Variants in HAVCR2 observed in about 807,000 individuals in gnomAD.
HAVCR2 encodes hepatitis A virus cellular receptor 2, also known as T cell immunoglobulin mucin 3.
HAVCR2 carries 13 observed loss-of-function variants against 24.7 expected under a neutral mutation model. The observed-to-expected ratio is 0.53, with a 90% CI of 0.34 to 0.84. The LOEUF is 0.84. HAVCR2 is among the 40% of genes least tolerant of loss of function. The pLI, the probability that HAVCR2 is intolerant of heterozygous loss-of-function variation, is 0.01. For missense variants in HAVCR2, 343 were observed against 371.2 expected (o/e 0.92, Z 0.62); for synonymous variants, 154 against 143.4 (o/e 1.07, Z -0.53).
At chr5:157,100,618 A>G (rs1757153621) in intron 3 of HAVCR2, among the ~76,000 whole-genome samples, 4 of 152,200 alleles carry the variant, frequency 2.6e-5, no homozygotes, top group Non-Finnish European at 5.9e-5. Flanking sequence ...AGAGATGTTG[A>G]AACTTCTTAA....
At chr5:157,104,791 C>G in intron 2 of HAVCR2, 42 bp from the exon 3 acceptor site, 1 of 1,391,938 alleles carries the variant, frequency 7.2e-7, no homozygotes. Flanking sequence ...TATCTGAGAG[C>G]AGAAAGCTTA....
chr5:157,099,653 G>A (rs1458183704), intron 3 of HAVCR2, among the ~76,000 whole-genome samples: 2 of 152,000 alleles, frequency 1.3e-5, no homozygotes, highest in Admixed American at 1.3e-4. Context: ...AGGCTGGAGT[G>A]CAGTGGCACA....
At chr5:157,094,925 G>C (rs1757072100) in intron 5 of HAVCR2, among the ~76,000 whole-genome samples, 1 of 152,120 alleles carries the variant, frequency 6.6e-6, no homozygotes, top group African/African-American at 2.4e-5. Flanking sequence ...ACATATTCAT[G>C]AATTAAAGAA....
In HAVCR2 at chr5:157,095,357, T is replaced by C; in HGVS notation, c.625A>G (p.Ile209Val). The change falls in exon 5 of 7, where the codon ATC becomes GTC. Residue 209 changes from isoleucine (I) to valine (V), a missense_variant. Physicochemically the swap from Ile to Val is conservative, Grantham distance 29 (BLOSUM62 3). Coordinates refer to ENST00000307851, the MANE Select transcript of HAVCR2 (RefSeq NM_032782.5). The stretch of plus-strand genomic sequence containing the variant: ...AGAGCCAGAGCCAGCCCAGCACAGA[T>C]CCCTGCTCCGATGTAGATGCCTATT... ...IRIGIYIGAG[I>V]CAGLALALIF... The C allele has an allele frequency of 6.2e-7, 1 of 1,614,146 alleles. No individual in the cohort carries two copies. Among genetic ancestry groups the C allele is most frequent in the Non-Finnish European group, 8.5e-7 (1 of 1,180,022 alleles).
intron 4 of HAVCR2, among the ~76,000 whole-genome samples, chr5:157,096,602 C>A (rs1258922907): frequency 6.6e-6 from 1 of 151,994 alleles, no homozygotes; most frequent in Admixed American, 6.6e-5. Flanking sequence ...CATGGTGAAA[C>A]CCCATCTCTA....
At chr5:157,096,961 CACATAT>C (rs1010855060) in intron 4 of HAVCR2, among the ~76,000 whole-genome samples, 8 of 140,872 alleles carry the variant, frequency 5.7e-5, no homozygotes, top group South Asian at 4.2e-4. Context: ...CACACACACA[CACATAT>C]AATTATAAGC....
intron 6 of HAVCR2, among the ~76,000 whole-genome samples, chr5:157,087,595 T>A (rs1417186839): frequency 6.6e-6 from 1 of 152,134 alleles, no homozygotes; most frequent in Non-Finnish European, 1.5e-5. Context: ...TGTCTGCAAT[T>A]ATGTACACAT....
intron 4 of HAVCR2, 112 bp from the exon 5 acceptor site, chr5:157,095,571 A>T: frequency 8.6e-7 from 1 of 1,162,694 alleles, no homozygotes; most frequent in South Asian, 1.4e-5. Context: ...AGGATGGCTG[A>T]GTCCTTCAAA....
At chr5:157,105,661 C>T (rs1757236959) in intron 2 of HAVCR2, among the ~76,000 whole-genome samples, 2 of 152,244 alleles carry the variant, frequency 1.3e-5, no homozygotes, top group Non-Finnish European at 1.5e-5. Context: ...TAGTAAGAGG[C>T]AGAGTTAGAT....
intron 3 of HAVCR2, among the ~76,000 whole-genome samples, chr5:157,103,665 G>A (rs1441248480): frequency 1.3e-5 from 2 of 152,108 alleles, no homozygotes; most frequent in Non-Finnish European, 2.9e-5. Flanking sequence ...TTATGGGCCA[G>A]GTACTATGCT....
In HAVCR2 at chr5:157,106,848, C is replaced by G; in HGVS notation, c.173G>C (p.Cys58Ser). 1.9e-6 allele frequency: 3 copies of G among 1,614,234 alleles called. No individual in the cohort carries two copies. The highest frequency in any genetic ancestry group is 2.5e-6 in the Non-Finnish European group (3 of 1,180,042). ...LVPVCWGKGA[C>S]PVFECGNVVL... ...CACGTTGCCACATTCAAACACAGGA[C>G]AGGCTCCTTTGCCCCAGCAGACGGG... Residue 58 changes from cysteine (C) to serine (S), a missense_variant, in exon 2 of 7, where the codon TGT becomes TCT. Cys to Ser is a moderately radical substitution (Grantham distance 112). Transcript: ENST00000307851.
intron 6 of HAVCR2, among the ~76,000 whole-genome samples, chr5:157,088,009 A>G (rs13190571): frequency 0.04 from 6,121 of 152,184 alleles, 304 homozygotes; most frequent in African/African-American, 0.12. Flanking sequence ...CCAGGTGGGA[A>G]TGCAGTGGCA....
chr5:157,102,558 GCC>G (rs1241564149), intron 3 of HAVCR2, among the ~76,000 whole-genome samples: 1 of 152,056 alleles, frequency 6.6e-6, no homozygotes, highest in East Asian at 1.9e-4. Context: ...TCTCAGTCAG[GCC>G]CTTGAGAAGC....
intron 4 of HAVCR2, among the ~76,000 whole-genome samples, chr5:157,097,250 ATTT>A (rs1221167508): frequency 8.6e-5 from 11 of 128,544 alleles, no homozygotes; most frequent in African/African-American, 8.8e-5. Context: ...CCCTCAAGTA[ATTT>A]TTTTTTTTTT....
intron 3 of HAVCR2, among the ~76,000 whole-genome samples, chr5:157,101,337 G>A (rs897836986): frequency 3.3e-5 from 5 of 152,162 alleles, no homozygotes; most frequent in African/African-American, 7.2e-5. Context: ...AGATGGATGG[G>A]ACAGTTGAAG....
chr5:157,089,163 A>G (rs1442130400), intron 5 of HAVCR2, among the ~76,000 whole-genome samples, 186 bp from the exon 6 acceptor site: 2 of 152,198 alleles, frequency 1.3e-5, no homozygotes, highest in Non-Finnish European at 2.9e-5. Flanking sequence ...ATAATAATAA[A>G]GATGCATTTT....
chr5:157,088,063 T>C (rs565308969), intron 6 of HAVCR2, among the ~76,000 whole-genome samples: 23 of 152,206 alleles, frequency 1.5e-4, no homozygotes, highest in African/African-American at 5.5e-4. Context: ...GCTCCAGCAA[T>C]CCTTCCACCT....
In HAVCR2 at chr5:157,089,109, C is replaced by T. The variant is rs1756956569; in HGVS notation, c.677-132G>A. ...TCATCTCAGATTGAGTTAAATGAAA[C>T]TCTCAACGTGTGCCTTAGATAGTTA... On this transcript the variant is annotated intron_variant, in intron 5 of 6. Transcript: ENST00000307851. 5 of 702,160 alleles carry T rather than the reference C, an allele frequency of 7.1e-6. No homozygotes were observed. The East Asian group carries it at 1.3e-4, about 18-fold the overall frequency. 43.5% of individuals were successfully genotyped at this position (702,160 alleles called of 1,614,324 possible).
chr5:157,106,597 C>T (rs749612357), intron 2 of HAVCR2, 30 bp downstream of exon 2: 1 of 1,536,626 alleles, frequency 6.5e-7, no homozygotes, highest in Non-Finnish European at 9.0e-7. Context: ...AAATCTTATT[C>T]ATAAAGATGG....
Sources: allele counts gnomAD v4.1 joint callset (sites outside exome capture counted in the v4.1 genomes callset), GRCh38; gene constraint gnomAD v4.1.1; transcripts MANE v1.5; gene names NCBI Gene and HGNC (gene_info 2026-07-23, HGNC 2026-07-21).